Variants in SGCD observed in about 807,000 individuals in gnomAD.
SGCD encodes delta-sarcoglycan.
SGCD carries 18 observed loss-of-function variants against 36.6 expected under a neutral mutation model. The observed-to-expected ratio is 0.49, with a 90% CI of 0.34 to 0.73. The LOEUF is 0.73. Ranked by LOEUF, SGCD falls within the 30% of genes least tolerant of loss-of-function variation. The pLI is 0.01. For synonymous variants in SGCD, 133 were observed against 130.6 expected (o/e 1.02, Z -0.12); for missense variants, 387 against 346.7 (o/e 1.12, Z -0.92).
the SGCD span, among the ~76,000 whole-genome samples, chr5:155,848,527 T>C: frequency 6.6e-6 from 1 of 152,190 alleles, no homozygotes; most frequent in Admixed American, 6.5e-5. Context: ...CTGTGTGAAA[T>C]GTTCTTTACA....
chr5:156,143,710 C>T (rs1762630905), intron 3 of SGCD, among the ~76,000 whole-genome samples: 1 of 152,010 alleles, frequency 6.6e-6, no homozygotes, highest in Non-Finnish European at 1.5e-5. Flanking sequence ...ATACGGCCTG[C>T]AGCCTCATTC....
intron 3 of SGCD, among the ~76,000 whole-genome samples, chr5:156,136,787 G>A (rs904852210): frequency 4.1e-4 from 63 of 152,270 alleles, no homozygotes; most frequent in Non-Finnish European, 8.8e-4. Context: ...TTGAACTCAA[G>A]CAAAAGTTAC....
intron 1 of SGCD, among the ~76,000 whole-genome samples, chr5:155,958,264 C>T (rs1757707555): frequency 6.6e-6 from 1 of 151,996 alleles, no homozygotes; most frequent in African/African-American, 2.4e-5. Flanking sequence ...GTGATGGTTT[C>T]TGTTCTGTGT....
chr5:155,991,898 C>T lies in SGCD; in HGVS notation c.-282+121474C>T, dbSNP rs185721169. Among the ~76,000 whole-genome samples the T allele has an allele frequency of 6.5e-3, 983 of 152,228 alleles. 8 individuals carry two copies. The highest frequency in any genetic ancestry group is 9.9e-3 in the Non-Finnish European group (671 of 68,010). ...CATTGTATTTCAAACTTGCCAAAGG[C>T]GATATTTTTTGATAGCACTGGGGGA... On this transcript the variant is annotated intron_variant, in intron 1 of 9. Coordinates refer to the SGCD transcript ENST00000517913.
At chr5:155,773,467 A>G in the SGCD span, among the ~76,000 whole-genome samples, 1 of 152,148 alleles carries the variant, frequency 6.6e-6, no homozygotes, top group African/African-American at 2.4e-5. Flanking sequence ...GGTGTAAGCC[A>G]CCATGCTTGG....
intron 1 of SGCD, among the ~76,000 whole-genome samples, chr5:155,906,599 T>C (rs1475046623): frequency 6.6e-6 from 1 of 152,154 alleles, no homozygotes; most frequent in African/African-American, 2.4e-5. Flanking sequence ...AGATGGAAGA[T>C]GAAACCAGCC....
At chr5:156,500,822 T>A in intron 3 of SGCD, among the ~76,000 whole-genome samples, 1 of 152,190 alleles carries the variant, frequency 6.6e-6, no homozygotes, top group Non-Finnish European at 1.5e-5. Context: ...TCCAGTGGAA[T>A]GTGAAAAATA....
intron 3 of SGCD, among the ~76,000 whole-genome samples, chr5:156,376,520 T>C (rs1038835866): frequency 2.6e-5 from 4 of 152,232 alleles, no homozygotes; most frequent in African/African-American, 9.6e-5. Flanking sequence ...TGATATTTTG[T>C]TAATCATATG....
At chr5:156,258,421 A>G (rs1425214661) in intron 3 of SGCD, among the ~76,000 whole-genome samples, 1 of 152,244 alleles carries the variant, frequency 6.6e-6, no homozygotes, top group Non-Finnish European at 1.5e-5. Context: ...AATGAACTTT[A>G]ATGTAATTGA....
intron 1 of SGCD, among the ~76,000 whole-genome samples, chr5:156,061,940 T>TAGAAA (rs1190514243): frequency 2.3e-4 from 26 of 111,612 alleles, no homozygotes; most frequent in African/African-American, 1.4e-3. Flanking sequence ...TTTTTTTTTT[T>TAGAAA]TTTTATTATA....
chr5:156,282,618 G>T (rs1463521807), intron 3 of SGCD, among the ~76,000 whole-genome samples: 1 of 152,236 alleles, frequency 6.6e-6, no homozygotes, highest in South Asian at 2.1e-4. Flanking sequence ...TAATATGGTT[G>T]GATGCTATTA....
intron 1 of SGCD, among the ~76,000 whole-genome samples, chr5:156,011,417 A>T (rs972006699): frequency 6.6e-6 from 1 of 151,976 alleles, no homozygotes; most frequent in African/African-American, 2.4e-5. Context: ...TATTTGATAT[A>T]CTACATGAGA....
At chr5:156,730,847 T>C (rs972923672) in intron 7 of SGCD, among the ~76,000 whole-genome samples, 1 of 152,210 alleles carries the variant, frequency 6.6e-6, no homozygotes, top group Non-Finnish European at 1.5e-5. Context: ...ACTAAACTTA[T>C]TTACACTCCC....
At chr5:156,555,404 T>C (rs1758980957) in intron 4 of SGCD, among the ~76,000 whole-genome samples, 1 of 152,134 alleles carries the variant, frequency 6.6e-6, no homozygotes, top group East Asian at 1.9e-4. Context: ...GTGTATGTTG[T>C]TAGGTAGAGG....
At chr5:156,095,706 C>G (rs1387330439) in intron 1 of SGCD, among the ~76,000 whole-genome samples, 1 of 152,068 alleles carries the variant, frequency 6.6e-6, no homozygotes, top group Non-Finnish European at 1.5e-5. Context: ...AATAAGGGCC[C>G]AAGCATAAAT....
chr5:155,779,020 T>C, the SGCD span, among the ~76,000 whole-genome samples: 3 of 152,180 alleles, frequency 2.0e-5, no homozygotes, highest in Non-Finnish European at 4.4e-5. Context: ...AAAATTGTAT[T>C]GCCATCTCTG....
At chr5:156,455,893 A>G (rs1205402455) in intron 3 of SGCD, among the ~76,000 whole-genome samples, 2 of 152,186 alleles carry the variant, frequency 1.3e-5, no homozygotes, top group African/African-American at 4.8e-5. Context: ...AGAATGCTGC[A>G]TGACAACAGA....
At chr5:155,861,840 G>T in the SGCD span, among the ~76,000 whole-genome samples, 3 of 152,222 alleles carry the variant, frequency 2.0e-5, no homozygotes, top group Non-Finnish European at 4.4e-5. Context: ...GATTTTACCG[G>T]GAGTGAGGAG....
At chr5:156,730,878 C>T (rs1756026526) in intron 7 of SGCD, among the ~76,000 whole-genome samples, 1 of 152,140 alleles carries the variant, frequency 6.6e-6, no homozygotes, top group South Asian at 2.1e-4. Flanking sequence ...TATAAGCATT[C>T]CTTTTTCTCC....
Sources: allele counts gnomAD v4.1 joint callset (sites outside exome capture counted in the v4.1 genomes callset), GRCh38; gene constraint gnomAD v4.1.1; transcripts MANE v1.5; gene names NCBI Gene and HGNC (gene_info 2026-07-23, HGNC 2026-07-21).